Variants in PLXNA4 observed in about 807,000 individuals in gnomAD.
PLXNA4 encodes the protein plexin A4.
In PLXNA4, 44 loss-of-function variants were observed where a neutral mutation model predicts 191.8. The observed-to-expected ratio is 0.23, with a 90% CI of 0.18 to 0.29. The LOEUF (loss-of-function observed/expected upper bound fraction) is 0.29, where lower values mean the gene tolerates loss of function less well. Among genes scored for constraint, PLXNA4 ranks in the 10% least tolerant of loss-of-function variants. The pLI is 1.00. For synonymous variants in PLXNA4, 1,082 were observed against 1,009.5 expected, an observed-to-expected ratio of 1.07 and a Z score of -1.36; for missense variants, 1,800 against 2,488.8, an observed-to-expected ratio of 0.72 and a Z score of 5.89.
chr7:132,566,891 T>C (rs1408827335), intron 1 of PLXNA4, among the ~76,000 whole-genome samples: 3 of 152,162 alleles, frequency 2.0e-5, no homozygotes, highest in Non-Finnish European at 2.9e-5. Context: ...CCTCTGAAAG[T>C]TGGGGTCACA....
chr7:132,206,632 C>T (rs936229748), intron 10 of PLXNA4, among the ~76,000 whole-genome samples: 3 of 152,266 alleles, frequency 2.0e-5, no homozygotes, highest in South Asian at 2.1e-4. Context: ...CCCTCAGCCC[C>T]GCTCTGTCTC....
intron 2 of PLXNA4, among the ~76,000 whole-genome samples, chr7:132,587,495 T>G (rs1025786465): frequency 1.3e-5 from 2 of 152,076 alleles, no homozygotes. Flanking sequence ...AAGACTAGAG[T>G]TTGGATTGAA....
intron 13 of PLXNA4, among the ~76,000 whole-genome samples, chr7:132,196,082 C>T (rs1438520120): frequency 3.3e-5 from 5 of 152,208 alleles, no homozygotes; most frequent in Non-Finnish European, 7.3e-5. Flanking sequence ...ACTAGTTGCA[C>T]CATTCAGAAT....
At chr7:132,285,771 C>G (rs1467031374) in intron 4 of PLXNA4, among the ~76,000 whole-genome samples, 1 of 152,186 alleles carries the variant, frequency 6.6e-6, no homozygotes, top group Admixed American at 6.5e-5. Context: ...CTGTTTTCCA[C>G]AGAACTCAAG....
chr7:132,171,712 C>T lies in PLXNA4; in HGVS notation c.4017+3066G>A, dbSNP rs137962221. ...CTGGGAAGGAAGATTTTAGCAAAGC[C>T]ACCTACAGTGAAATAGCATCCTATT... On this transcript the variant is annotated intron_variant, in intron 21 of 31. Coordinates refer to ENST00000321063, the MANE Select transcript of PLXNA4 (RefSeq NM_020911.2). Among the ~76,000 whole-genome samples, 264 of 152,258 alleles carry T rather than the reference C, an allele frequency of 1.7e-3. 2 individuals are homozygous for T. The highest frequency in any genetic ancestry group is 6.2e-3 in the African/African-American group (257 of 41,550).
At chr7:132,178,713 TACACACACAC>T (rs56218462) in intron 20 of PLXNA4, among the ~76,000 whole-genome samples, 1 of 112,080 alleles carries the variant, frequency 8.9e-6, no homozygotes, top group Non-Finnish European at 1.8e-5. Flanking sequence ...CACATACACA[TACACACACAC>T]ACACACACTT....
intron 3 of PLXNA4, among the ~76,000 whole-genome samples, chr7:132,334,551 G>A (rs1802740155): frequency 1.3e-5 from 2 of 151,912 alleles, no homozygotes; most frequent in African/African-American, 4.8e-5. Flanking sequence ...CAGCTTACAG[G>A]TGCCCAGCTG....
At chr7:132,165,071 C>A (rs555407287) in intron 23 of PLXNA4, 63 bp downstream of exon 23, 10 of 1,581,522 alleles carry the variant, frequency 6.3e-6, no homozygotes, top group African/African-American at 4.0e-5. Context: ...GTGGAGCGAT[C>A]CCCAGTCAGG....
intron 3 of PLXNA4, among the ~76,000 whole-genome samples, chr7:132,328,275 C>T (rs780552936): frequency 3.3e-5 from 5 of 152,212 alleles, no homozygotes; most frequent in Middle Eastern, 6.8e-3. Flanking sequence ...CAAGCAGAAG[C>T]CTGTTCTCCA....
intron 3 of PLXNA4, among the ~76,000 whole-genome samples, chr7:132,333,883 T>C (rs1170040947): frequency 1.3e-5 from 2 of 152,158 alleles, no homozygotes; most frequent in Non-Finnish European, 2.9e-5. Flanking sequence ...GCCCTGCTGA[T>C]TTTTTCTCTC....
chr7:132,249,767 G>T (rs1423941741), intron 4 of PLXNA4, among the ~76,000 whole-genome samples: 3 of 152,230 alleles, frequency 2.0e-5, no homozygotes, highest in Non-Finnish European at 4.4e-5. Context: ...TAGTACAGGG[G>T]ATTGAGAAAC....
At chr7:132,272,878 T>C (rs1800129983) in intron 4 of PLXNA4, among the ~76,000 whole-genome samples, 1 of 152,176 alleles carries the variant, frequency 6.6e-6, no homozygotes, top group Admixed American at 6.5e-5. Flanking sequence ...TCATCGCTCG[T>C]TCTCCATGTT....
chr7:132,349,380 G>A (rs1443664588), intron 3 of PLXNA4, among the ~76,000 whole-genome samples: 1 of 152,162 alleles, frequency 6.6e-6, no homozygotes, highest in Non-Finnish European at 1.5e-5. Flanking sequence ...GGGGGCTGGT[G>A]GGGTCGGAGG....
intron 1 of PLXNA4, among the ~76,000 whole-genome samples, chr7:132,516,579 T>C (rs889659344): frequency 6.6e-5 from 10 of 152,296 alleles, no homozygotes; most frequent in Middle Eastern, 3.4e-3. Flanking sequence ...TGCACTCCTG[T>C]ATTCAGCCAA....
intron 3 of PLXNA4, among the ~76,000 whole-genome samples, chr7:132,380,574 C>G (rs1804852066): frequency 4.6e-5 from 7 of 152,194 alleles, no homozygotes. Flanking sequence ...TTTAAAGAAA[C>G]TTGCCAACAT....
intron 2 of PLXNA4, among the ~76,000 whole-genome samples, chr7:132,630,987 G>T (rs1195755665): frequency 1.3e-5 from 2 of 152,174 alleles, no homozygotes; most frequent in African/African-American, 4.8e-5. Flanking sequence ...CACACAGAAA[G>T]AACTTTCAAA....
intron 4 of PLXNA4, among the ~76,000 whole-genome samples, chr7:132,293,226 G>A (rs530699989): frequency 3.3e-5 from 5 of 152,210 alleles, no homozygotes; most frequent in East Asian, 1.9e-4. Context: ...TCATCTCTTC[G>A]CCTGTTGTAT....
chr7:132,482,894 C>T (rs774031170), intron 3 of PLXNA4, among the ~76,000 whole-genome samples: 9 of 151,952 alleles, frequency 5.9e-5, no homozygotes, highest in East Asian at 1.9e-4. Context: ...GGTTTTACCA[C>T]GTTGGTCATG....
chr7:132,575,909 C>G (rs1347848047), intron 1 of PLXNA4, among the ~76,000 whole-genome samples: 1 of 152,182 alleles, frequency 6.6e-6, no homozygotes, highest in East Asian at 1.9e-4. Context: ...CCACCACTCT[C>G]TCCAAATATG....
Sources: allele counts gnomAD v4.1 joint callset (sites outside exome capture counted in the v4.1 genomes callset), GRCh38; gene constraint gnomAD v4.1.1; transcripts MANE v1.5; gene names NCBI Gene and HGNC (gene_info 2026-07-23, HGNC 2026-07-21).